MRGPRX1: variants seen among roughly 807,000 people sequenced by gnomAD.
MRGPRX1 encodes mas-related G protein-coupled receptor member X1.
For missense variants in MRGPRX1, 411 were observed against 393.8 expected (o/e 1.04, Z -0.37); for synonymous variants, 208 against 170.4 (o/e 1.22, Z -1.72).
rs550137164 is a variant in MRGPRX1 at position 18,933,618 on chromosome 11, T to C, written c.*198A>G. Among the ~76,000 whole-genome samples, 7 of 151,646 alleles carry C rather than the reference T, an allele frequency of 4.6e-5. No homozygotes were observed. The highest frequency in any genetic ancestry group is 1.2e-4 in the African/African-American group (5 of 41,446). On this transcript the variant is annotated 3_prime_UTR_variant, in exon 2 of 2. Transcript: ENST00000526914. The stretch of plus-strand genomic sequence containing the variant: ...TGTGTTGGTAATATCAAGGAGAATC[T>C]AAACATTGTACTGTCAGACTAATGC...
chr11:18,935,427 T>G (rs368700584), intron 1 of MRGPRX1, among the ~76,000 whole-genome samples: 4 of 151,618 alleles, frequency 2.6e-5, no homozygotes, highest in African/African-American at 9.7e-5. Flanking sequence ...CTAATGGTAA[T>G]GGTAGATTTG....
chr11:18,938,512 AT>A (rs1848858326), intron 1 of MRGPRX1, among the ~76,000 whole-genome samples: 2 of 151,484 alleles, frequency 1.3e-5, no homozygotes, highest in Non-Finnish European at 2.9e-5. Flanking sequence ...ATGAGAAACC[AT>A]CCCCACTATT....
chr11:18,936,030 T>C (rs1219120912), intron 1 of MRGPRX1, among the ~76,000 whole-genome samples: 2 of 151,480 alleles, frequency 1.3e-5, no homozygotes, highest in African/African-American at 4.8e-5. Flanking sequence ...TTAGGTATTG[T>C]CTGTTTTAAT....
rs933417488 is a variant in MRGPRX1, at chr11:18,939,197, C to T, written c.-26+83G>A. 2.6e-5 allele frequency: 4 copies of T among 151,808 alleles called. 1 individual carries two copies. In the South Asian group the frequency reaches 6.3e-4, roughly 24 times the overall value. The allele number at this position is 151,808 out of a possible 1,614,324, so 9.4% of individuals were successfully genotyped here. A position where few individuals can be genotyped will look rare whatever the true frequency, so the allele number is the denominator to read the frequency against. On this transcript the variant is annotated intron_variant, in intron 1 of 1. Coordinates refer to ENST00000526914, the MANE Select transcript of MRGPRX1 (RefSeq NM_001393578.1). ...CTGAAACAAGCTCATGATCCCCTGC[C>T]TGTAGCACCTAGGTGGAAACAGAAA...
chr11:18,934,050 G>A lies in MRGPRX1; in HGVS notation c.735C>T (p.Asp245=). Residue 245 remains aspartate, a synonymous_variant, in exon 2 of 2, where the codon GAC becomes GAT. Coordinates refer to ENST00000526914, the MANE Select transcript of MRGPRX1 (RefSeq NM_001393578.1). Reference sequence around the variant, plus strand: ...GAACATGACAAAATAAGACTTCCCTGTCCACGTGGATCCATAAAAATAGGA... The same window carrying A: ...GAACATGACAAAATAAGACTTCCCTATCCACGTGGATCCATAAAAATAGGA... ...QFFLFLWIHV[D]REVLFCHVHL... 2 of 1,610,894 alleles carry A rather than the reference G, an allele frequency of 1.2e-6. No homozygotes were observed. Among genetic ancestry groups the A allele is most frequent in the Non-Finnish European group, 1.7e-6 (2 of 1,178,208 alleles).
rs756868732 is a variant in MRGPRX1 at position 18,934,416 on chromosome 11, G to T, written c.369C>A (p.Ser123=). 6.2e-7 allele frequency: 1 copy of T among 1,610,672 alleles called. No homozygotes were observed. The highest frequency in any genetic ancestry group is 1.3e-5 in the African/African-American group (1 of 74,700). ...LSAVSTERCL[S]VLWPIWYRCH... ...AGCGGTACCAGATGGGCCACAGGAC[G>T]GACAGGCAGCGCTCGGTGCTCACGG... Residue 123 remains serine, a synonymous_variant, in exon 2 of 2, where the codon TCC becomes TCA. Transcript: ENST00000526914.
chr11:18,936,771 GATC>G (rs1848844365), intron 1 of MRGPRX1, among the ~76,000 whole-genome samples: 1 of 151,560 alleles, frequency 6.6e-6, no homozygotes, highest in Non-Finnish European at 1.5e-5. Context: ...GTTCTTTAAA[GATC>G]ATCTATGGTA....
chr11:18,936,782 G>C lies in MRGPRX1; in HGVS notation c.-25-1973C>G, dbSNP rs79541684. Among the ~76,000 whole-genome samples, 711 of 151,490 alleles carry C rather than the reference G, an allele frequency of 4.7e-3. 21 individuals carry two copies. The highest frequency in any genetic ancestry group is 6.5e-3 in the Non-Finnish European group (442 of 67,792). ...ATGTGTTCTTTAAAGATCATCTATGGTATTATCTTAATATAACATAAGATG... is the reference window on the plus strand; with the variant it reads ...ATGTGTTCTTTAAAGATCATCTATGCTATTATCTTAATATAACATAAGATG... On this transcript the variant is annotated intron_variant, in intron 1 of 1. Coordinates refer to ENST00000526914, the MANE Select transcript of MRGPRX1 (RefSeq NM_001393578.1).
At chr11:18,938,911 A>T (rs1326366195) in intron 1 of MRGPRX1, among the ~76,000 whole-genome samples, 1 of 151,610 alleles carries the variant, frequency 6.6e-6, no homozygotes. Flanking sequence ...CAGGCAAGGA[A>T]TAATAATTTA....
rs1167756926 is a variant in MRGPRX1 at position 18,934,347 on chromosome 11, G to C, written c.438C>G (p.Leu146=). The part of the protein sequence containing the change: ...THLSAVVCVL[L]WALSLLRSIL... ...TGCTCCGCAGCAGGGACAGGGCCCA[G>C]AGCAGGACACACACCACCGCTGACA... Residue 146 remains leucine, a synonymous_variant, in exon 2 of 2, where the codon CTC becomes CTG. Coordinates refer to ENST00000526914, the MANE Select transcript of MRGPRX1 (RefSeq NM_001393578.1). 1.9e-6 allele frequency: 3 copies of C among 1,610,776 alleles called. No homozygotes were observed. The highest frequency in any genetic ancestry group is 2.5e-6 in the Non-Finnish European group (3 of 1,178,212).
chr11:18,938,411 G>A (rs918810312), intron 1 of MRGPRX1, among the ~76,000 whole-genome samples: 1 of 151,518 alleles, frequency 6.6e-6, no homozygotes, highest in South Asian at 2.1e-4. Context: ...GAGAGACAGG[G>A]AAGAGGTGCT....
chr11:18,938,347 A>C (rs573292734), intron 1 of MRGPRX1, among the ~76,000 whole-genome samples: 1 of 151,572 alleles, frequency 6.6e-6, no homozygotes, highest in South Asian at 2.1e-4. Context: ...GCTTCCAATC[A>C]TGGTGAAAGG....
rs761724877 is a variant in MRGPRX1, at chr11:18,934,585, T to G, written c.200A>C (p.Asn67Thr). 6.2e-7 allele frequency: 1 copy of G among 1,609,634 alleles called. No individual in the cohort carries two copies. The highest frequency in any genetic ancestry group is 1.7e-5 in the Admixed American group (1 of 59,130). ...GAAGAGGAAGTCTGCTGCGGCCAAG[T>G]TGAGGATGTAGATGGAGAAGGCGTT... ...RRNAFSIYIL[N>T]LAAADFLFLS... Residue 67 changes from asparagine (N) to threonine (T), a missense_variant, in exon 2 of 2, where the codon AAC becomes ACC. Physicochemically the swap from Asn to Thr is moderately conservative, Grantham distance 65. Transcript: ENST00000526914.
At chr11:18,936,696 T>C (rs1338093686) in intron 1 of MRGPRX1, among the ~76,000 whole-genome samples, 1 of 151,528 alleles carries the variant, frequency 6.6e-6, no homozygotes, top group Non-Finnish European at 1.5e-5. Context: ...TCATGAAACC[T>C]GAAGCTTCAT....
chr11:18,934,332 C>T lies in MRGPRX1; in HGVS notation c.453G>A (p.Leu151=). 1 of 1,610,880 alleles carries T rather than the reference C, an allele frequency of 6.2e-7. No individual in the cohort carries two copies. The highest frequency in any genetic ancestry group is 1.3e-5 in the African/African-American group (1 of 74,816). The change falls in exon 2 of 2, where the codon CTG becomes CTA. Residue 151 remains leucine, a synonymous_variant. Coordinates refer to ENST00000526914, the MANE Select transcript of MRGPRX1 (RefSeq NM_001393578.1). The part of the protein sequence containing the change: ...VVCVLLWALS[L]LRSILEWMLC... ...ACATCCACTCCAGGATGCTCCGCAGCAGGGACAGGGCCCAGAGCAGGACAC... is the reference window on the plus strand; with the variant it reads ...ACATCCACTCCAGGATGCTCCGCAGTAGGGACAGGGCCCAGAGCAGGACAC...
At chr11:18,937,100 G>T (rs1753075653) in intron 1 of MRGPRX1, among the ~76,000 whole-genome samples, 1 of 151,414 alleles carries the variant, frequency 6.6e-6, no homozygotes, top group Non-Finnish European at 1.5e-5. Flanking sequence ...CCTTGATGCT[G>T]GGTGCCATTT....
chr11:18,934,239 C>T lies in MRGPRX1; in HGVS notation c.546G>A (p.Ala182=), dbSNP rs376242902. 7 of 1,610,370 alleles carry T rather than the reference C, an allele frequency of 4.3e-6. No individual in the cohort carries two copies. The highest frequency in any genetic ancestry group is 3.4e-5 in the Admixed American group (2 of 59,316). The change falls in exon 2 of 2, where the codon GCG becomes GCA. Residue 182 remains alanine, a synonymous_variant. Coordinates refer to ENST00000526914, the MANE Select transcript of MRGPRX1 (RefSeq NM_001393578.1). ...GAACCACACATAAAAAAATCAGCCACGCGACTGTGATGAAATCTGATGTTT... is the reference window on the plus strand; with the variant it reads ...GAACCACACATAAAAAAATCAGCCATGCGACTGTGATGAAATCTGATGTTT... ...WCQTSDFITV[A]WLIFLCVVLC... is the part of the protein sequence containing the mutation.
At chr11:18,936,484 AG>A (rs1213735632) in intron 1 of MRGPRX1, among the ~76,000 whole-genome samples, 4 of 151,214 alleles carry the variant, frequency 2.6e-5, no homozygotes, top group African/African-American at 9.7e-5. Context: ...CCAGGTGGAA[AG>A]AAGACTCACC....
At chr11:18,937,951 A>G (rs561497438) in intron 1 of MRGPRX1, among the ~76,000 whole-genome samples, 8 of 151,730 alleles carry the variant, frequency 5.3e-5, no homozygotes, top group African/African-American at 1.9e-4. Context: ...CTGTAGACAG[A>G]GACTGTCCCA....
Sources: allele counts gnomAD v4.1 joint callset (sites outside exome capture counted in the v4.1 genomes callset), GRCh38; gene constraint gnomAD v4.1.1; transcripts MANE v1.5; gene names NCBI Gene and HGNC (gene_info 2026-07-23, HGNC 2026-07-21).